The following PTPRM variants were observed in gnomAD, a reference collection of about 807,000 sequenced individuals.
The protein encoded by PTPRM is receptor-type tyrosine-protein phosphatase mu.
Under a neutral mutation model 186.7 loss-of-function variants are expected in PTPRM, and 47 were observed. The ratio of observed to expected loss-of-function variants is 0.25; its 90% CI spans 0.20 to 0.32. The LOEUF (loss-of-function observed/expected upper bound fraction) is 0.32, where lower values mean the gene tolerates loss of function less well. PTPRM is among the 10% of genes least tolerant of loss of function. The probability of loss-of-function intolerance (pLI) is 1.00; values close to 1 mark genes in which losing one functional copy is unlikely to be tolerated. For synonymous variants in PTPRM, 668 were observed against 674.9 expected (o/e 0.99, Z 0.16); for missense variants, 1,494 against 1,865.0 (o/e 0.80, Z 3.66).
intron 6 of PTPRM, among the ~76,000 whole-genome samples, chr18:7,951,919 A>T (rs1373497554): frequency 6.6e-6 from 1 of 152,198 alleles, no homozygotes; most frequent in African/African-American, 2.4e-5. Context: ...AAGTCCATAG[A>T]GTTTTTAACC....
At chr18:7,876,098 T>A (rs1485824412) in intron 2 of PTPRM, among the ~76,000 whole-genome samples, 1 of 149,842 alleles carries the variant, frequency 6.7e-6, no homozygotes, top group Non-Finnish European at 1.5e-5. Flanking sequence ...CGCCAAAATG[T>A]CCTTAAGTGA....
intron 2 of PTPRM, among the ~76,000 whole-genome samples, chr18:7,804,157 T>C (rs2044115889): frequency 1.3e-5 from 2 of 152,182 alleles, no homozygotes; most frequent in African/African-American, 4.8e-5. Context: ...ATTGACTTCA[T>C]CATCGGTTGG....
intron 5 of PTPRM, among the ~76,000 whole-genome samples, chr18:7,937,647 G>C (rs534789613): frequency 6.6e-6 from 1 of 152,324 alleles, no homozygotes; most frequent in East Asian, 1.9e-4. Context: ...ACACCCCAAG[G>C]ATCCCATAAC....
intron 4 of PTPRM, among the ~76,000 whole-genome samples, chr18:7,914,132 G>A (rs542743791): frequency 6.6e-5 from 10 of 152,184 alleles, no homozygotes; most frequent in African/African-American, 2.4e-4. Flanking sequence ...AATTAGAATT[G>A]TTTTCGGAAT....
chr18:7,622,235 GTGTATT>G (rs1328437065), intron 1 of PTPRM, among the ~76,000 whole-genome samples: 1 of 152,108 alleles, frequency 6.6e-6, no homozygotes, highest in Non-Finnish European at 1.5e-5. Flanking sequence ...GAAATACGTA[GTGTATT>G]TGTTCTTTTT....
chr18:7,641,981 G>A (rs2038454184), intron 1 of PTPRM, among the ~76,000 whole-genome samples: 1 of 152,168 alleles, frequency 6.6e-6, no homozygotes, highest in Non-Finnish European at 1.5e-5. Flanking sequence ...GATTAGTATA[G>A]GAGCACTGTC....
chr18:7,727,578 G>A (rs1201856109), intron 1 of PTPRM, among the ~76,000 whole-genome samples: 1 of 152,112 alleles, frequency 6.6e-6, no homozygotes, highest in African/African-American at 2.4e-5. Context: ...CAAGCCAATG[G>A]CATGTCAAAT....
chr18:8,017,543 A>G (rs1039219997), intron 7 of PTPRM, among the ~76,000 whole-genome samples: 2 of 136,272 alleles, frequency 1.5e-5, no homozygotes, highest in Non-Finnish European at 3.1e-5. Context: ...AGATCGTGCA[A>G]CTGCACTCCA....
chr18:8,352,073 T>C (rs2095537360), intron 23 of PTPRM, among the ~76,000 whole-genome samples: 1 of 152,240 alleles, frequency 6.6e-6, no homozygotes, highest in Non-Finnish European at 1.5e-5. Context: ...GTGCTGTACT[T>C]ACTGTATCTA....
chr18:8,310,185 T>C (rs995958358), intron 20 of PTPRM, among the ~76,000 whole-genome samples: 1 of 152,000 alleles, frequency 6.6e-6, no homozygotes, highest in Admixed American at 6.6e-5. Flanking sequence ...ACCACCTAAA[T>C]ACCCCTCAGA....
intron 7 of PTPRM, among the ~76,000 whole-genome samples, chr18:7,984,258 T>C (rs920632534): frequency 6.6e-6 from 1 of 152,100 alleles, no homozygotes; most frequent in South Asian, 2.1e-4. Flanking sequence ...TCCGTTTTCT[T>C]ACCTAATCCT....
intron 19 of PTPRM, among the ~76,000 whole-genome samples, chr18:8,263,707 T>C (rs1331346751): frequency 2.6e-5 from 4 of 152,138 alleles, no homozygotes; most frequent in Admixed American, 1.3e-4. Flanking sequence ...TAGAGGCAGC[T>C]AGAGATCACA....
chr18:7,723,606 G>C (rs999255232), intron 1 of PTPRM, among the ~76,000 whole-genome samples: 1 of 152,220 alleles, frequency 6.6e-6, no homozygotes, highest in Admixed American at 6.5e-5. Context: ...TGCTAGAACC[G>C]TGTAAGTTTC....
chr18:8,063,012 T>A (rs1253413817), intron 7 of PTPRM, among the ~76,000 whole-genome samples: 1 of 150,848 alleles, frequency 6.6e-6, no homozygotes, highest in African/African-American at 2.5e-5. Flanking sequence ...GGCTGCTTTG[T>A]TTACCTAATC....
chr18:7,816,767 A>G (rs138371723), intron 2 of PTPRM, among the ~76,000 whole-genome samples: 156 of 152,274 alleles, frequency 1.0e-3, no homozygotes, highest in African/African-American at 3.4e-3. Context: ...ATACTTTACA[A>G]AAGTCTCATT....
In PTPRM at chr18:8,021,884, A is replaced by C. The variant is rs534550602; in HGVS notation, c.1133-47802A>C. Among the ~76,000 whole-genome samples the C allele has an allele frequency of 1.9e-4, 29 of 152,188 alleles. No individual in the cohort carries two copies. In the East Asian group the frequency reaches 5.0e-3, roughly 26 times the overall value. Reference sequence around the variant, plus strand: ...AGGCATGAGCCACCATGCCTGGCCTAATTTTGTTCTAACATCTCAGTAAAT... The same window carrying C: ...AGGCATGAGCCACCATGCCTGGCCTCATTTTGTTCTAACATCTCAGTAAAT... On this transcript the variant is annotated intron_variant, in intron 7 of 32. Coordinates refer to ENST00000580170, the MANE Select transcript of PTPRM (RefSeq NM_001105244.2).
intron 5 of PTPRM, among the ~76,000 whole-genome samples, chr18:7,928,203 C>G (rs1221478951): frequency 6.6e-6 from 1 of 152,172 alleles, no homozygotes; most frequent in Non-Finnish European, 1.5e-5. Flanking sequence ...CAGTGTCACT[C>G]TGTTTTTTCA....
At chr18:8,035,227 C>A (rs1195578268) in intron 7 of PTPRM, among the ~76,000 whole-genome samples, 2 of 152,140 alleles carry the variant, frequency 1.3e-5, no homozygotes. Context: ...AATGAGAAAC[C>A]AGGCTGCATC....
At chr18:8,126,027 A>ATTTT (rs752110255) in intron 13 of PTPRM, among the ~76,000 whole-genome samples, 12 of 69,538 alleles carry the variant, frequency 1.7e-4, no homozygotes, top group East Asian at 5.5e-4. Flanking sequence ...ATATATATAT[A>ATTTT]TTTTAAATCA....
Sources: allele counts gnomAD v4.1 joint callset (sites outside exome capture counted in the v4.1 genomes callset), GRCh38; gene constraint gnomAD v4.1.1; transcripts MANE v1.5; gene names NCBI Gene and HGNC (gene_info 2026-07-23, HGNC 2026-07-21).